The following BRIP1 variants were observed in gnomAD, a reference collection of about 807,000 sequenced individuals.
BRIP1 encodes Fanconi anemia group J protein.
In BRIP1, 88 loss-of-function variants were observed where a neutral mutation model predicts 119.7. That is an observed-to-expected ratio of 0.74 (90% CI 0.62 to 0.88). BRIP1 has a LOEUF of 0.88. Among genes scored for constraint, BRIP1 ranks in the 40% least tolerant of loss-of-function variants. The pLI, the probability that BRIP1 is intolerant of heterozygous loss-of-function variation, is 0.00. For missense variants in BRIP1, 1,259 were observed against 1,455.4 expected (o/e 0.87, Z 2.20); for synonymous variants, 443 against 496.5 (o/e 0.89, Z 1.43).
rs983034455 is a variant in BRIP1, at chr17:61,774,365, C to T, written c.2097+2036G>A. Among the ~76,000 whole-genome samples the T allele has an allele frequency of 5.9e-5, 9 of 152,146 alleles. No homozygotes were observed. Among genetic ancestry groups the T allele is most frequent in the African/African-American group, 2.2e-4 (9 of 41,430 alleles). On this transcript the variant is annotated intron_variant, in intron 14 of 19. Transcript: ENST00000259008. This position sits in a 1 kb window ranked among gnomAD's most constrained non-coding sequence, Gnocchi z 5.8. ...AAACCAAACACCGCATGTTCTCACT[C>T]ATAGGTGGGAATTGAACAATGAGAA...
rs2077094175 is a variant in BRIP1, at chr17:61,748,891, A to C, written c.2098-4300T>G. The stretch of plus-strand genomic sequence containing the variant: ...AGTGGCTCATGCCTGTAATCCCAGC[A>C]CTTTGGGAGGCCAAGGCGGGCAGAT... On this transcript the variant is annotated intron_variant, in intron 14 of 19. Transcript: ENST00000259008. This position sits in a 1 kb window ranked among gnomAD's most constrained non-coding sequence, Gnocchi z 4.7. Among the ~76,000 whole-genome samples the C allele has an allele frequency of 6.6e-6, 1 of 152,234 alleles. No individual in the cohort carries two copies. The highest frequency in any genetic ancestry group is 2.4e-5 in the African/African-American group (1 of 41,464).
chr17:61,773,261 A>AACAAAACCTG (rs1188063837), intron 14 of BRIP1, among the ~76,000 whole-genome samples: 1 of 152,120 alleles, frequency 6.6e-6, no homozygotes, highest in East Asian at 1.9e-4. Context: ...ACCTGACAAA[A>AACAAAACCTG]ACAAAACCTG....
chr17:61,722,035 GC>G lies in BRIP1; in HGVS notation c.2380-5973del, dbSNP rs775061901. Among the ~76,000 whole-genome samples the G allele has an allele frequency of 4.3e-5, 1 of 23,188 alleles. No individual in the cohort carries two copies. Among genetic ancestry groups the G allele is most frequent in the African/African-American group, 9.5e-5 (1 of 10,576 alleles). 15.2% of individuals were successfully genotyped at this position (23,188 alleles called of 152,430 possible). On this transcript the variant is annotated intron_variant, in intron 16 of 19. Coordinates refer to ENST00000259008, the MANE Select transcript of BRIP1 (RefSeq NM_032043.3). The surrounding 1 kb of genome is among the most constrained non-coding windows in gnomAD (Gnocchi z 4.6). The stretch of plus-strand genomic sequence containing the variant: ...TGAGCCACCACGCCTAGCCAACTTT[GC>G]TTTTTTTTTTTTTCTTTTTTTTTGA...
At chr17:61,854,780 C>T (rs1335631906) in intron 4 of BRIP1, among the ~76,000 whole-genome samples, 3 of 151,518 alleles carry the variant, frequency 2.0e-5, no homozygotes, top group Admixed American at 6.6e-5. Flanking sequence ...AGTATTCACC[C>T]AAGAGAAATG....
intron 6 of BRIP1, among the ~76,000 whole-genome samples, chr17:61,819,894 T>G (rs1317549760): frequency 6.6e-6 from 1 of 152,160 alleles, no homozygotes; most frequent in Non-Finnish European, 1.5e-5. Context: ...TTGGATTATT[T>G]GTAACACAAA....
chr17:61,837,937 T>C (rs2078599214), intron 6 of BRIP1, among the ~76,000 whole-genome samples: 1 of 152,044 alleles, frequency 6.6e-6, no homozygotes, highest in Admixed American at 6.6e-5. Context: ...ACAATCTACT[T>C]CTCCAATCCA....
At position 61,774,605 on chromosome 17, in the gene BRIP1, G is replaced by A. The variant is rs2077506627; in HGVS notation, c.2097+1796C>T. On this transcript the variant is annotated intron_variant, in intron 14 of 19. Transcript: ENST00000259008. The surrounding 1 kb of genome is among the most constrained non-coding windows in gnomAD (Gnocchi z 5.8). Reference sequence around the variant, plus strand: ...ATAATAATAAAAAAAGAAACTATGAGATAATAAATGTTTACTGTTTTAAGC... The same window carrying A: ...ATAATAATAAAAAAAGAAACTATGAAATAATAAATGTTTACTGTTTTAAGC... 6.6e-6 allele frequency among the ~76,000 whole-genome samples: 1 copy of A among 151,890 alleles called. No individual in the cohort carries two copies. The highest frequency in any genetic ancestry group is 1.9e-4 in the East Asian group (1 of 5,192).
At chr17:61,696,698 A>G (rs1487157263) in intron 17 of BRIP1, among the ~76,000 whole-genome samples, 3 of 151,360 alleles carry the variant, frequency 2.0e-5, no homozygotes, top group African/African-American at 7.3e-5. Context: ...AAAAAAAAAA[A>G]AAAAAGGCCA....
rs34014195 is a variant in BRIP1 at position 61,803,098 on chromosome 17, CT to C, written c.919-1625del. On this transcript the variant is annotated intron_variant, in intron 7 of 19. Transcript: ENST00000259008. This position sits in a 1 kb window ranked among gnomAD's most constrained non-coding sequence, Gnocchi z 4.3. ...CTAATGCCCTTTGCCATTCTATTAC[CT>C]TTTTTTTTTTCAGAGATGGGAGTCT... Among the ~76,000 whole-genome samples, 11 of 147,814 alleles carry C rather than the reference CT, an allele frequency of 7.4e-5. No homozygotes were observed. The highest frequency in any genetic ancestry group is 1.3e-4 in the Admixed American group (2 of 14,870).
Position 61,752,514 on chromosome 17 carries a change from T to C in BRIP1, c.2098-7923A>G, listed in dbSNP as rs1208513956. 6.6e-6 allele frequency among the ~76,000 whole-genome samples: 1 copy of C among 152,222 alleles called. No individual in the cohort carries two copies. Among genetic ancestry groups the C allele is most frequent in the Non-Finnish European group, 1.5e-5 (1 of 68,032 alleles). The stretch of plus-strand genomic sequence containing the variant: ...TTATATTTCAACTTAGATATTTTTG[T>C]CTAATACAAATACAAATCATTTCTG... On this transcript the variant is annotated intron_variant, in intron 14 of 19. Transcript: ENST00000259008. The surrounding 1 kb of genome is among the most constrained non-coding windows in gnomAD (Gnocchi z 6.2).
intron 18 of BRIP1, among the ~76,000 whole-genome samples, chr17:61,688,541 A>G (rs2061394668): frequency 6.6e-6 from 1 of 152,140 alleles, no homozygotes; most frequent in Admixed American, 6.5e-5. Context: ...TCCAAAGAAG[A>G]CAGATCCACG....
intron 14 of BRIP1, among the ~76,000 whole-genome samples, chr17:61,747,612 T>G (rs893160780): frequency 5.3e-5 from 8 of 152,236 alleles, no homozygotes; most frequent in African/African-American, 1.9e-4. Context: ...GTAAGGAGAC[T>G]GAATCAGTAA....
intron 14 of BRIP1, among the ~76,000 whole-genome samples, chr17:61,763,463 T>C (rs966089357): frequency 7.9e-5 from 12 of 152,178 alleles, no homozygotes; most frequent in South Asian, 2.1e-4. Context: ...TTTTCCTTGA[T>C]GACTTTTTTC....
At chr17:61,715,450 T>C (rs2061845170) in intron 17 of BRIP1, among the ~76,000 whole-genome samples, 1 of 152,132 alleles carries the variant, frequency 6.6e-6, no homozygotes, top group Admixed American at 6.5e-5. Context: ...CACTGGGCAG[T>C]AAAATAGATT....
At chr17:61,781,815 G>A (rs2077624279) in intron 11 of BRIP1, among the ~76,000 whole-genome samples, 1 of 151,660 alleles carries the variant, frequency 6.6e-6, no homozygotes, top group Non-Finnish European at 1.5e-5. Context: ...CAGCTACTCA[G>A]GAGGCTGAGG....
intron 16 of BRIP1, among the ~76,000 whole-genome samples, chr17:61,716,453 C>G (rs1262622247): frequency 6.6e-6 from 1 of 151,994 alleles, no homozygotes; most frequent in Non-Finnish European, 1.5e-5. Context: ...CACTGCTGGC[C>G]CTGGCAACCA....
At chr17:61,696,958 C>A (rs922438661) in intron 17 of BRIP1, among the ~76,000 whole-genome samples, 3 of 139,640 alleles carry the variant, frequency 2.1e-5, no homozygotes, top group East Asian at 4.2e-4. Flanking sequence ...TGTACTCCAG[C>A]CTGGGCAACA....
In BRIP1 at chr17:61,765,408, TATATATATATATATA is replaced by T. The variant is rs1256202832; in HGVS notation, c.2097+10978_2097+10992del. The stretch of plus-strand genomic sequence containing the variant: ...ATATATATATATATATATATATATA[TATATATATATATATA>T]TTTTTTTTTTTTTTTTTTTTTTTTT... On this transcript the variant is annotated intron_variant, in intron 14 of 19. Coordinates refer to ENST00000259008, the MANE Select transcript of BRIP1 (RefSeq NM_032043.3). Among the ~76,000 whole-genome samples the T allele has an allele frequency of 6.6e-3, 114 of 17,220 alleles. 1 individual carries two copies. The highest frequency in any genetic ancestry group is 0.018 in the Middle Eastern group (1 of 56). The allele number at this position is 17,220 out of a possible 152,430, so 11.3% of individuals were successfully genotyped here.
At chr17:61,801,048 TAAAACTGCTTGTTATTTTGG>T in intron 8 of BRIP1, among the ~76,000 whole-genome samples, 185 bp downstream of exon 8, 1 of 152,316 alleles carries the variant, frequency 6.6e-6, no homozygotes, top group African/African-American at 2.4e-5. Flanking sequence ...CTATGTTCCT[TAAAACTGCTTGTTATTTTGG>T]AAATTAAAAT....
Sources: gnomAD v4.1 joint callset for allele counts (sites outside exome capture counted in the v4.1 genomes callset) on GRCh38, gnomAD v4.1.1 for gene constraint, Gnocchi (gnomAD v3.1) non-coding constraint, MANE v1.5 for transcripts, NCBI Gene and HGNC (gene_info 2026-07-23, HGNC 2026-07-21) for gene names.